Variants in ZNF605 observed in about 807,000 individuals in gnomAD.
ZNF605 encodes the protein zinc finger protein 605.
Under a neutral mutation model 7.9 loss-of-function variants are expected in ZNF605, and 9 were observed. The ratio of observed to expected loss-of-function variants is 1.14; its 90% CI spans 0.68 to 1.98. The LOEUF is 1.98. Among genes scored for constraint, ZNF605 ranks in the 30% most tolerant of loss-of-function variants. The pLI, the probability that ZNF605 is intolerant of heterozygous loss-of-function variation, is 0.00. For synonymous variants in ZNF605, 255 were observed against 260.1 expected (o/e 0.98, Z 0.19); for missense variants, 673 against 762.4 (o/e 0.88, Z 1.38).
At position 132,933,456 on chromosome 12, in the gene ZNF605, G is replaced by A. The variant is rs996368405; in HGVS notation, c.16-301C>T. Among the ~76,000 whole-genome samples the A allele has an allele frequency of 3.3e-5, 5 of 152,156 alleles. No individual in the cohort carries two copies. Among genetic ancestry groups the A allele is most frequent in the African/African-American group, 7.2e-5 (3 of 41,432 alleles). The stretch of plus-strand genomic sequence containing the variant: ...AGTCTGGCTGCTGTGTTGTAAGGCC[G>A]CCATGTGGAAGCTCATGTGCCGTGG... On this transcript the variant is annotated intron_variant, in intron 3 of 4. Transcript: ENST00000360187. This position sits in a 1 kb window ranked among gnomAD's most constrained non-coding sequence, Gnocchi z 4.4.
In ZNF605 at chr12:132,926,489, T is replaced by G; in HGVS notation, c.810A>C (p.Arg270Ser). The G allele has an allele frequency of 6.2e-7, 1 of 1,614,200 alleles. No homozygotes were observed. The highest frequency in any genetic ancestry group is 1.1e-5 in the South Asian group (1 of 91,078). The change falls in exon 5 of 5, where the codon AGA becomes AGC. Residue 270 changes from arginine to serine, a missense_variant. By Grantham distance (110) the Arg-to-Ser change is moderately radical (BLOSUM62 -1). Coordinates refer to ENST00000360187, the MANE Select transcript of ZNF605 (RefSeq NM_183238.4). ...TCTCTATTGTGTGCGTTATCTGATG[T>G]CTTTTAAGCTGCGACTTCCTACTGA... is the stretch of plus-strand genomic sequence containing the variant. ...KAFSRKSQLK[R>S]HQITHTIEKP... is the part of the protein sequence containing the mutation.
intron 2 of ZNF605, among the ~76,000 whole-genome samples, chr12:132,947,716 C>G (rs1952508769): frequency 6.6e-6 from 1 of 151,922 alleles, no homozygotes; most frequent in Admixed American, 6.6e-5. Context: ...CCCAAATAAT[C>G]AGGCCAAATA....
At position 132,923,574 on chromosome 12, in the gene ZNF605, G is replaced by A. The variant is rs1032616737; in HGVS notation, c.*1799C>T. 2.6e-5 allele frequency: 4 copies of A among 152,142 alleles called. No individual in the cohort carries two copies. The highest frequency in any genetic ancestry group is 9.7e-5 in the African/African-American group (4 of 41,432). The allele number at this position is 152,142 out of a possible 1,614,324, so 9.4% of individuals were successfully genotyped here. ...AAATATGCTGCCATTCTTTGTTCAT[G>A]TGTATGTATTATCTTTTTTTCTCAA... On this transcript the variant is annotated 3_prime_UTR_variant, in exon 5 of 5. Transcript: ENST00000360187.
At position 132,925,336 on chromosome 12, in the gene ZNF605, G is replaced by A. The variant is rs773498702; in HGVS notation, c.*37C>T. 1 of 1,466,084 alleles carries A rather than the reference G, an allele frequency of 6.8e-7. No homozygotes were observed. Among genetic ancestry groups the A allele is most frequent in the African/African-American group, 1.4e-5 (1 of 70,966 alleles). The allele number at this position is 1,466,084 out of a possible 1,614,324, so 90.8% of individuals were successfully genotyped here. On this transcript the variant is annotated 3_prime_UTR_variant, in exon 5 of 5. Coordinates refer to ENST00000360187, the MANE Select transcript of ZNF605 (RefSeq NM_183238.4). ...AAAAGTGTCAGAAAGTATGACACTT[G>A]ATAGCAACCTTTCTGCATTCGCCAA... is the stretch of plus-strand genomic sequence containing the variant.
At position 132,921,425 on chromosome 12, in the gene ZNF605, T is replaced by C. The variant is rs544175831; in HGVS notation, c.*3948A>G. On this transcript the variant is annotated 3_prime_UTR_variant, in exon 5 of 5. Coordinates refer to ENST00000360187, the MANE Select transcript of ZNF605 (RefSeq NM_183238.4). Reference sequence around the variant, plus strand: ...TGAGAATGGCCTTTCCCCTTTAGTCTATGGCAAAATAAAGGGGGGCATGGG... The same window carrying C: ...TGAGAATGGCCTTTCCCCTTTAGTCCATGGCAAAATAAAGGGGGGCATGGG... 5 of 152,328 alleles carry C rather than the reference T, an allele frequency of 3.3e-5. No individual in the cohort carries two copies. The South Asian group carries it at 8.3e-4, about 25-fold the overall frequency. 9.4% of individuals were successfully genotyped at this position (152,328 alleles called of 1,614,324 possible). A position where few individuals can be genotyped will look rare whatever the true frequency, so the allele number is the denominator to read the frequency against.
At position 132,945,864 on chromosome 12, in the gene ZNF605, C is replaced by T. The variant is rs925892520; in HGVS notation, c.-162-67G>A. Reference sequence around the variant, plus strand: ...ATTTGGGAACCTAAATCTTGGTGTTCTCTTGCTGGGAGCTCAGATTATTTA... The same window carrying T: ...ATTTGGGAACCTAAATCTTGGTGTTTTCTTGCTGGGAGCTCAGATTATTTA... On this transcript the variant is annotated intron_variant, in intron 2 of 4. Coordinates refer to ENST00000360187, the MANE Select transcript of ZNF605 (RefSeq NM_183238.4). The T allele has an allele frequency of 1.4e-4, 90 of 647,550 alleles. No individual in the cohort carries two copies. The Middle Eastern group carries it at 2.1e-3, about 15-fold the overall frequency. The allele number at this position is 647,550 out of a possible 1,614,324, so 40.1% of individuals were successfully genotyped here. A position where few individuals can be genotyped will look rare whatever the true frequency, so the allele number is the denominator to read the frequency against.
chr12:132,938,253 TA>T (rs1351578680), intron 3 of ZNF605, among the ~76,000 whole-genome samples: 1 of 152,136 alleles, frequency 6.6e-6, no homozygotes, highest in African/African-American at 2.4e-5. Context: ...GTGCTGGGAT[TA>T]CAGGCAAGAG....
At chr12:132,932,847 G>A (rs1313153095) in intron 4 of ZNF605, 188 bp downstream of exon 4, 2 of 1,453,342 alleles carry the variant, frequency 1.4e-6, no homozygotes, top group African/African-American at 2.9e-5. Context: ...TAACTGCCTG[G>A]GCTAAGAGTC....
In ZNF605 at chr12:132,924,344, G is replaced by A. The variant is rs1306711242; in HGVS notation, c.*1029C>T. 6.6e-6 allele frequency: 1 copy of A among 152,182 alleles called. No homozygotes were observed. The highest frequency in any genetic ancestry group is 2.4e-5 in the African/African-American group (1 of 41,422). The allele number at this position is 152,182 out of a possible 1,614,324, so 9.4% of individuals were successfully genotyped here. A position where few individuals can be genotyped will look rare whatever the true frequency, so the allele number is the denominator to read the frequency against. On this transcript the variant is annotated 3_prime_UTR_variant, in exon 5 of 5. Transcript: ENST00000360187. ...CCACTCTGTTTCCACTCTGGCTGCT[G>A]AGAACATAAACTATTCCCAGCCCTG... is the stretch of plus-strand genomic sequence containing the variant.
intron 3 of ZNF605, among the ~76,000 whole-genome samples, chr12:132,938,786 G>A (rs1181636970): frequency 5.9e-5 from 9 of 152,228 alleles, no homozygotes; most frequent in South Asian, 4.2e-4. Context: ...GGCTGTGTGC[G>A]GCGCTTGCGG....
chr12:132,920,060 G>A lies in ZNF605; in HGVS notation c.*5313C>T, dbSNP rs11614515. The A allele has an allele frequency of 0.048, 7,263 of 152,066 alleles. 247 individuals are homozygous for A. Among genetic ancestry groups the A allele is most frequent in the East Asian group, 0.13 (675 of 5,150 alleles). 9.4% of individuals were successfully genotyped at this position (152,066 alleles called of 1,614,324 possible). A position where few individuals can be genotyped will look rare whatever the true frequency, so the allele number is the denominator to read the frequency against. ...TCACCATATTGGCCAGGCTGGTCTC[G>A]AACTCCTGACCTTGTGATCTGCCTG... On this transcript the variant is annotated 3_prime_UTR_variant, in exon 5 of 5. Transcript: ENST00000360187.
chr12:132,931,977 TG>T (rs1476870235), intron 4 of ZNF605, among the ~76,000 whole-genome samples: 28 of 152,304 alleles, frequency 1.8e-4, no homozygotes, highest in Admixed American at 1.8e-3. Flanking sequence ...CTCACTCTGT[TG>T]CCTAGCACAT....
intron 3 of ZNF605, among the ~76,000 whole-genome samples, chr12:132,935,051 G>A (rs1339721313): frequency 1.3e-5 from 2 of 152,130 alleles, no homozygotes; most frequent in Admixed American, 6.5e-5. Flanking sequence ...TATAAGAGAG[G>A]GAGTGGGAGC....
At chr12:132,947,021 T>TGGGG (rs1593600386) in intron 2 of ZNF605, among the ~76,000 whole-genome samples, 5,316 of 70,190 alleles carry the variant, frequency 0.076, 112 homozygotes, top group Non-Finnish European at 0.11. Context: ...TTTTTTTGGT[T>TGGGG]TTTTTTTTGA....
intron 3 of ZNF605, among the ~76,000 whole-genome samples, chr12:132,934,942 G>C (rs1187515338): frequency 3.9e-5 from 6 of 152,200 alleles, no homozygotes; most frequent in African/African-American, 1.4e-4. Flanking sequence ...AGAAAGTCCT[G>C]GTTACAGAGG....
In ZNF605 at chr12:132,926,222, A is replaced by G. The variant is rs1952245761; in HGVS notation, c.1077T>C (p.His359=). The change falls in exon 5 of 5, where the codon CAT becomes CAC. Residue 359 remains histidine (H), a synonymous_variant. Coordinates refer to ENST00000360187, the MANE Select transcript of ZNF605 (RefSeq NM_183238.4). The part of the protein sequence containing the change: ...NSLLIRHQRI[H]TGEKPYECNE... ...TGCATTCGTAGGGCTTCTCTCCTGTATGAATCCTCTGATGCCTAATGAGAA... is the reference window on the plus strand; with the variant it reads ...TGCATTCGTAGGGCTTCTCTCCTGTGTGAATCCTCTGATGCCTAATGAGAA... 1.9e-6 allele frequency: 3 copies of G among 1,614,022 alleles called. No individual in the cohort carries two copies. Among genetic ancestry groups the G allele is most frequent in the Non-Finnish European group, 8.5e-7 (1 of 1,180,028 alleles).
intron 3 of ZNF605, among the ~76,000 whole-genome samples, chr12:132,939,147 C>G (rs1390762692): frequency 3.2e-4 from 49 of 152,096 alleles, no homozygotes; most frequent in Middle Eastern, 3.4e-3. Context: ...GAGCGCACAG[C>G]GCAGGACTGG....
intron 1 of ZNF605, among the ~76,000 whole-genome samples, chr12:132,949,588 G>A (rs1450667443): frequency 2.6e-5 from 4 of 152,178 alleles, no homozygotes; most frequent in Non-Finnish European, 4.4e-5. Context: ...CAGGGAGCAG[G>A]AGGCGGAGAC....
Position 132,941,462 on chromosome 12 carries a change from C to G in ZNF605, c.15+4159G>C, listed in dbSNP as rs1952440370. On this transcript the variant is annotated intron_variant, in intron 3 of 4. Coordinates refer to ENST00000360187, the MANE Select transcript of ZNF605 (RefSeq NM_183238.4). The surrounding 1 kb of genome is among the most constrained non-coding windows in gnomAD (Gnocchi z 5.1). ...CTGACTTGGGCCACACTATCCAGGC[C>G]CGACATGACCAGATCTGCTTCCCGT... Among the ~76,000 whole-genome samples the G allele has an allele frequency of 6.6e-6, 1 of 152,174 alleles. No individual in the cohort carries two copies. Among genetic ancestry groups the G allele is most frequent in the Non-Finnish European group, 1.5e-5 (1 of 68,040 alleles).
Sources: allele counts gnomAD v4.1 joint callset (sites outside exome capture counted in the v4.1 genomes callset), GRCh38; gene constraint gnomAD v4.1.1; non-coding constraint Gnocchi (gnomAD v3.1); transcripts MANE v1.5; gene names NCBI Gene and HGNC (gene_info 2026-07-23, HGNC 2026-07-21).